The following SHCBP1L variants were observed in gnomAD, a reference collection of about 807,000 sequenced individuals.
SHCBP1L encodes the protein testicular spindle-associated protein SHCBP1L.
SHCBP1L carries 67 observed loss-of-function variants against 62.5 expected under a neutral mutation model. The observed-to-expected ratio is 1.07, with a 90% CI of 0.88 to 1.31. The LOEUF is 1.31. Among genes scored for constraint, SHCBP1L ranks in the 40% most tolerant of loss-of-function variants. The pLI, the probability that SHCBP1L is intolerant of heterozygous loss-of-function variation, is 0.00. For synonymous variants in SHCBP1L, 284 were observed against 289.4 expected (o/e 0.98, Z 0.19); for missense variants, 823 against 809.8 (o/e 1.02, Z -0.20).
chr1:182,935,341 G>C (rs1458464103), intron 5 of SHCBP1L, among the ~76,000 whole-genome samples: 1 of 152,118 alleles, frequency 6.6e-6, no homozygotes, highest in African/African-American at 2.4e-5. Context: ...ATTGTCATCA[G>C]TGTATTGTAG....
At chr1:182,930,580 T>TATACACATATATAC (rs1650945708) in intron 5 of SHCBP1L, among the ~76,000 whole-genome samples, 1 of 121,624 alleles carries the variant, frequency 8.2e-6, no homozygotes, top group African/African-American at 3.4e-5. Flanking sequence ...TATATATATA[T>TATACACATATATAC]ATATATATAT....
chr1:182,904,534 CGTGTGTGTGT>C lies in SHCBP1L; in HGVS notation c.1337-114_1337-105del, dbSNP rs61031217. ...TGTTACTAAAGTTTTTCCCTGTGTG[CGTGTGTGTGT>C]GTGTGTGTGTGTGTGTGTGTGTGTG... On this transcript the variant is annotated intron_variant, in intron 7 of 9. Coordinates refer to ENST00000367547, the MANE Select transcript of SHCBP1L (RefSeq NM_030933.4). 1.7e-3 allele frequency: 1,025 copies of C among 599,480 alleles called. 4 individuals are homozygous for C. The highest frequency in any genetic ancestry group is 6.6e-3 in the African/African-American group (329 of 49,942). 37.1% of individuals were successfully genotyped at this position (599,480 alleles called of 1,614,324 possible). A position where few individuals can be genotyped will look rare whatever the true frequency, so the allele number is the denominator to read the frequency against.
At chr1:182,924,976 A>AAG (rs1414115841) in intron 6 of SHCBP1L, among the ~76,000 whole-genome samples, 2 of 137,560 alleles carry the variant, frequency 1.5e-5, no homozygotes, top group African/African-American at 3.0e-5. Context: ...GAAAGAAAGA[A>AAG]AAAAAAAGGA....
chr1:182,930,551 GTATATATATATA>G (rs10536791), intron 5 of SHCBP1L, among the ~76,000 whole-genome samples: 1,574 of 49,428 alleles, frequency 0.032, 48 homozygotes, highest in African/African-American at 0.041. Flanking sequence ...TAGTGTGTGT[GTATATATATATA>G]TATATATATA....
Position 182,940,427 on chromosome 1 carries a change from C to T in SHCBP1L, c.672G>A (p.Leu224=). ...NIPRDLVDEI[L]EELEHSVPLL... ...GAGGCACACTGTGTTCCAGTTCCTC[C>T]AAAATCTCATCAACCAAATCTCTTG... Residue 224 remains leucine (L), a synonymous_variant, in exon 3 of 10, where the codon TTG becomes TTA. Transcript: ENST00000367547. 6.2e-7 allele frequency: 1 copy of T among 1,613,964 alleles called. No homozygotes were observed. The highest frequency in any genetic ancestry group is 8.5e-7 in the Non-Finnish European group (1 of 1,179,958).
intron 9 of SHCBP1L, among the ~76,000 whole-genome samples, chr1:182,901,544 G>A (rs1032781490): frequency 1.3e-5 from 2 of 152,188 alleles, no homozygotes; most frequent in African/African-American, 4.8e-5. Context: ...AGCCAGTGTG[G>A]CTCGAATATA....
At chr1:182,923,615 C>T (rs538906778) in intron 6 of SHCBP1L, among the ~76,000 whole-genome samples, 10 of 152,198 alleles carry the variant, frequency 6.6e-5, no homozygotes, top group African/African-American at 2.2e-4. Context: ...ATTCAGCACA[C>T]AAACAGAACT....
rs1214110879 is a variant in SHCBP1L at position 182,951,354 on chromosome 1, T to C, written c.519A>G (p.Glu173=). The C allele has an allele frequency of 6.3e-7, 1 of 1,598,536 alleles. No homozygotes were observed. Among genetic ancestry groups the C allele is most frequent in the Non-Finnish European group, 8.5e-7 (1 of 1,173,738 alleles). ...TNPSVFFVKY[E]EASIPFVGIL... Reference sequence around the variant, plus strand: ...TACCAACAAAAGGGATAGAAGCTTCTTCATATTTCACAAAGAATACACTGG... The same window carrying C: ...TACCAACAAAAGGGATAGAAGCTTCCTCATATTTCACAAAGAATACACTGG... The change falls in exon 2 of 10, where the codon GAA becomes GAG. Residue 173 remains glutamate, a synonymous_variant. Coordinates refer to ENST00000367547, the MANE Select transcript of SHCBP1L (RefSeq NM_030933.4).
intron 2 of SHCBP1L, 94 bp from the exon 3 acceptor site, chr1:182,940,637 C>A: frequency 9.8e-7 from 1 of 1,024,502 alleles, no homozygotes; most frequent in Non-Finnish European, 1.4e-6. Flanking sequence ...TATAAAGTTT[C>A]TTCTTTTAAA....
chr1:182,950,421 T>A (rs1041792626), intron 2 of SHCBP1L: 1 of 151,446 alleles, frequency 6.6e-6, no homozygotes, highest in Non-Finnish European at 1.5e-5. Context: ...AGGCCAGGAG[T>A]TCGAGACCAG....
chr1:182,900,214 C>A lies in SHCBP1L; in HGVS notation c.1731G>T (p.Leu577Phe). The change falls in exon 10 of 10, where the codon TTG (leucine) becomes TTT (phenylalanine). Residue 577 changes from leucine (L) to phenylalanine (F), a missense_variant. Transcript: ENST00000367547. ...VNMKVLPAPK[L>F]KMTNNHIYSN... ...TATAAATATGATTATTAGTCATCTT[C>A]AATTTGGGTGCTGGAAGAACCTATT... The A allele has an allele frequency of 6.4e-7, 1 of 1,571,012 alleles. No homozygotes were observed. The highest frequency in any genetic ancestry group is 1.2e-5 in the South Asian group (1 of 81,568).
chr1:182,941,981 CT>C (rs1651385454), intron 2 of SHCBP1L: 6 of 1,076,138 alleles, frequency 5.6e-6, no homozygotes, highest in Non-Finnish European at 8.2e-6. Flanking sequence ...GGATTCCCTC[CT>C]TCTTAAAAAT....
chr1:182,900,514 C>A (rs867302909), intron 9 of SHCBP1L, among the ~76,000 whole-genome samples: 10 of 152,188 alleles, frequency 6.6e-5, no homozygotes, highest in Middle Eastern at 6.8e-3. Context: ...CTCACTGCAA[C>A]CTCCGCCTCC....
chr1:182,906,017 C>T (rs756964224), intron 6 of SHCBP1L, among the ~76,000 whole-genome samples: 3 of 152,118 alleles, frequency 2.0e-5, no homozygotes, highest in African/African-American at 7.2e-5. Flanking sequence ...TCACTGCAAC[C>T]CCTGCCTCCC....
chr1:182,936,676 A>C (rs1651186012), intron 5 of SHCBP1L, among the ~76,000 whole-genome samples: 1 of 152,146 alleles, frequency 6.6e-6, no homozygotes, highest in Non-Finnish European at 1.5e-5. Flanking sequence ...CATTTATTTC[A>C]GTAATCCATG....
intron 3 of SHCBP1L, among the ~76,000 whole-genome samples, 165 bp downstream of exon 3, chr1:182,940,164 A>G (rs1342693731): frequency 6.6e-6 from 1 of 152,202 alleles, no homozygotes; most frequent in Admixed American, 6.5e-5. Context: ...GTTTTTACTA[A>G]AAGTTACAAA....
intron 5 of SHCBP1L, among the ~76,000 whole-genome samples, chr1:182,936,325 G>A (rs1651170466): frequency 6.6e-6 from 1 of 151,504 alleles, no homozygotes; most frequent in Admixed American, 6.6e-5. Flanking sequence ...TAGTAGAGAT[G>A]GGGTTTCACC....
In SHCBP1L at chr1:182,941,299, CT is replaced by C. The variant is rs796925910; in HGVS notation, c.556-757del. On this transcript the variant is annotated intron_variant, in intron 2 of 9. Transcript: ENST00000367547. Reference sequence around the variant, plus strand: ...GAGAAAGGACATAAAGAGTAAAATTCTTTTTTTTTTCAAAATTGAGATTTTA... The same window carrying C: ...GAGAAAGGACATAAAGAGTAAAATTCTTTTTTTTTCAAAATTGAGATTTTA... Among the ~76,000 whole-genome samples, 794 of 124,832 alleles carry C rather than the reference CT, an allele frequency of 6.4e-3. 6 individuals carry two copies. Among genetic ancestry groups the C allele is most frequent in the African/African-American group, 0.02 (690 of 34,424 alleles). The allele number at this position is 124,832 out of a possible 152,430, so 81.9% of individuals were successfully genotyped here.
chr1:182,926,577 T>C (rs1650753623), intron 6 of SHCBP1L, among the ~76,000 whole-genome samples: 1 of 152,212 alleles, frequency 6.6e-6, no homozygotes, highest in African/African-American at 2.4e-5. Context: ...GTAATTTGTT[T>C]AATCTCATAG....
Sources: allele counts gnomAD v4.1 joint callset (sites outside exome capture counted in the v4.1 genomes callset), GRCh38; gene constraint gnomAD v4.1.1; transcripts MANE v1.5; gene names NCBI Gene and HGNC (gene_info 2026-07-23, HGNC 2026-07-21).